MYMX: variants seen among roughly 807,000 people sequenced by gnomAD.
MYMX encodes the protein myomixer, myoblast fusion factor.
the MYMX span, among the ~76,000 whole-genome samples, chr6:44,197,950 C>A: frequency 4.6e-5 from 7 of 151,952 alleles, no homozygotes; most frequent in African/African-American, 1.5e-4. Flanking sequence ...ATATGGACTG[C>A]AAATATCTCC....
At chr6:44,201,119 T>C in the MYMX span, among the ~76,000 whole-genome samples, 1 of 152,098 alleles carries the variant, frequency 6.6e-6, no homozygotes, top group East Asian at 1.9e-4. Flanking sequence ...CTGGAATTGG[T>C]GGGCAGAGGA....
At chr6:44,198,573 C>T in the MYMX span, among the ~76,000 whole-genome samples, 1 of 151,930 alleles carries the variant, frequency 6.6e-6, no homozygotes, top group African/African-American at 2.4e-5. Flanking sequence ...GTGGCGCAAT[C>T]TCAGCTCACT....
At chr6:44,203,706 G>A in the MYMX span, among the ~76,000 whole-genome samples, 1 of 152,122 alleles carries the variant, frequency 6.6e-6, no homozygotes, top group Non-Finnish European at 1.5e-5. Flanking sequence ...TTTTCCCTTT[G>A]TGAGTTTGGG....
the MYMX span, among the ~76,000 whole-genome samples, chr6:44,200,798 G>A: frequency 2.0e-5 from 3 of 152,148 alleles, no homozygotes; most frequent in African/African-American, 4.8e-5. Flanking sequence ...TTCCCTCTGA[G>A]GCATTGCCAG....
chr6:44,211,788 T>TTTTGTGTGTGTGTGTGTGTG, the MYMX span, among the ~76,000 whole-genome samples: 175 of 126,420 alleles, frequency 1.4e-3, 1 homozygote, highest in Middle Eastern at 0.016. Context: ...CAGCTAGGTT[T>TTTTGTGTGTGTGTGTGTGTG]TGTGTGTGTG....
At chr6:44,213,601 T>C (rs1365862514), upstream of MYMX, among the ~76,000 whole-genome samples, 1 of 151,678 alleles carries the variant, frequency 6.6e-6, no homozygotes, top group Admixed American at 6.6e-5. Flanking sequence ...TTTGTATTTT[T>C]AGTAGAGACA....
chr6:44,195,620 C>A, the MYMX span, among the ~76,000 whole-genome samples: 1 of 150,324 alleles, frequency 6.7e-6, no homozygotes, highest in African/African-American at 2.4e-5. Flanking sequence ...GCATGAGCCA[C>A]TATACCTGGC....
chr6:44,211,824 T>TGTGTGTGTGTGTGTGTGTGTG, the MYMX span, among the ~76,000 whole-genome samples: 1 of 25,346 alleles, frequency 3.9e-5, no homozygotes, highest in African/African-American at 1.5e-4. Context: ...GTGTGTGTGT[T>TGTGTGTGTGTGTGTGTGTGTG]TAGTAGAGAA....
chr6:44,208,838 G>A, the MYMX span, among the ~76,000 whole-genome samples: 2,335 of 152,272 alleles, frequency 0.015, 46 homozygotes, highest in African/African-American at 0.053. Context: ...CCCATGCTGT[G>A]TCTGCCCTTT....
At chr6:44,211,253 G>C in the MYMX span, among the ~76,000 whole-genome samples, 117 of 152,240 alleles carry the variant, frequency 7.7e-4, no homozygotes, top group African/African-American at 2.5e-3. Context: ...GGTTACTAAG[G>C]GTTAAGAATT....
chr6:44,194,592 G>C, the MYMX span, among the ~76,000 whole-genome samples: 1 of 152,192 alleles, frequency 6.6e-6, no homozygotes, highest in African/African-American at 2.4e-5. Flanking sequence ...GCCAACTCCT[G>C]CCTACGGGGG....
chr6:44,207,491 T>A, the MYMX span, among the ~76,000 whole-genome samples: 209 of 151,886 alleles, frequency 1.4e-3, no homozygotes, highest in Non-Finnish European at 2.7e-3. Flanking sequence ...ATCATAGGGC[T>A]GCAACTTCTG....
At chr6:44,211,470 G>T in the MYMX span, among the ~76,000 whole-genome samples, 1 of 152,108 alleles carries the variant, frequency 6.6e-6, no homozygotes, top group Non-Finnish European at 1.5e-5. Flanking sequence ...GAGGTGCATG[G>T]GGAAAGGGAA....
upstream of MYMX, among the ~76,000 whole-genome samples, chr6:44,211,996 G>A (rs1044577290): frequency 2.0e-5 from 3 of 151,976 alleles, no homozygotes; most frequent in Non-Finnish European, 2.9e-5. Context: ...GGCTAGATTT[G>A]AACACCTGGG....
chr6:44,213,951 C>T (rs191583034), upstream of MYMX, among the ~76,000 whole-genome samples: 53 of 152,282 alleles, frequency 3.5e-4, no homozygotes, highest in East Asian at 3.5e-3. Context: ...GCTGGGACTA[C>T]GGGTGTGCAT....
the MYMX span, among the ~76,000 whole-genome samples, chr6:44,205,388 GT>G: frequency 6.6e-6 from 1 of 152,320 alleles, no homozygotes; most frequent in South Asian, 2.1e-4. Flanking sequence ...GAAAATAGCA[GT>G]GGTTCACATC....
chr6:44,213,639 C>T (rs1413391809), upstream of MYMX, among the ~76,000 whole-genome samples: 2 of 152,042 alleles, frequency 1.3e-5, no homozygotes, highest in East Asian at 3.9e-4. Context: ...TCAGGCTGCT[C>T]GAACTTCTGA....
At position 44,217,722 on chromosome 6, in the gene MYMX, A is replaced by G. The variant is rs1775959697; in HGVS notation, c.251A>G (p.Lys84Arg). The G allele has an allele frequency of 2.5e-6, 1 of 400,876 alleles. No homozygotes were observed. Among genetic ancestry groups the G allele is most frequent in the African/African-American group, 2.1e-5 (1 of 48,712 alleles). The allele number at this position is 400,876 out of a possible 1,614,324, so 24.8% of individuals were successfully genotyped here. The change falls in exon 2 of 2, where the codon AAG becomes AGG. Residue 84 changes from lysine to arginine, a missense_variant. Transcript: ENST00000573382. ...LERRERLGPQ[K>R] ...AGGAGGGAGAGGTTAGGCCCCCAAA[A>G]GTGAGGCCACAAGTCCTGGCAGCAG...
chr6:44,201,452 G>A, the MYMX span, among the ~76,000 whole-genome samples: 1 of 152,136 alleles, frequency 6.6e-6, no homozygotes, highest in South Asian at 2.1e-4. Flanking sequence ...CTTGTTTAGG[G>A]GTCAGAGCTG....
Sources: gnomAD v4.1 joint callset for allele counts (sites outside exome capture counted in the v4.1 genomes callset) on GRCh38, gnomAD v4.1.1 for gene constraint, MANE v1.5 for transcripts, NCBI Gene and HGNC (gene_info 2026-07-23, HGNC 2026-07-21) for gene names.